Variants in MPDU1 observed in about 807,000 individuals in gnomAD.
The protein encoded by MPDU1 is mannose-P-dolichol utilization defect 1.
MPDU1 carries 18 observed loss-of-function variants against 27.6 expected under a neutral mutation model. The observed-to-expected ratio is 0.65, with a 90% CI of 0.45 to 0.97. The LOEUF (loss-of-function observed/expected upper bound fraction) is 0.97, where lower values mean the gene tolerates loss of function less well. MPDU1 is among the 50% of genes least tolerant of loss of function. The pLI is 0.00. For missense variants in MPDU1, 279 were observed against 297.4 expected, an observed-to-expected ratio of 0.94 and a Z score of 0.46; for synonymous variants, 142 against 131.1, an observed-to-expected ratio of 1.08 and a Z score of -0.57.
chr17:7,587,850 TCC>T lies in MPDU1; in HGVS notation c.*300_*301del. Reference sequence around the variant, plus strand: ...CAAGCCTCCTCCTCTAGCAGCAATTTCCAGCTGTGTAACACTATCCTGGGCAA... The same window carrying T: ...CAAGCCTCCTCCTCTAGCAGCAATTTAGCTGTGTAACACTATCCTGGGCAA... On this transcript the variant is annotated 3_prime_UTR_variant, in exon 7 of 7. Transcript: ENST00000250124. 1.9e-6 allele frequency: 1 copy of T among 539,410 alleles called. No individual in the cohort carries two copies. Among genetic ancestry groups the T allele is most frequent in the South Asian group, 1.5e-5 (1 of 65,308 alleles). 33.4% of individuals were successfully genotyped at this position (539,410 alleles called of 1,614,324 possible). A position where few individuals can be genotyped will look rare whatever the true frequency, so the allele number is the denominator to read the frequency against.
At chr17:7,584,145 C>T in intron 1 of MPDU1, 180 bp downstream of exon 1, 1 of 675,252 alleles carries the variant, frequency 1.5e-6, no homozygotes, top group East Asian at 2.7e-5. Context: ...CATATTAGTG[C>T]CAGTGGGGAA....
rs2150935748 is a variant in MPDU1 at position 7,586,735 on chromosome 17, A to G, written c.346A>G (p.Ile116Val). ...ALFLMLQTIT[I>V]CFLVMHYRGQ... is the part of the protein sequence containing the mutation. Reference sequence around the variant, plus strand: ...ATTCCTGATGCTCCAGACGATCACCATCTGCTTCCTGGTCATGCACTACAG... The same window carrying G: ...ATTCCTGATGCTCCAGACGATCACCGTCTGCTTCCTGGTCATGCACTACAG... Residue 116 changes from isoleucine to valine, a missense_variant, in exon 4 of 7, where the codon ATC becomes GTC. Physicochemically the swap from Ile to Val is conservative, Grantham distance 29 (BLOSUM62 3). Coordinates refer to ENST00000250124, the MANE Select transcript of MPDU1 (RefSeq NM_004870.4). 1.9e-6 allele frequency: 3 copies of G among 1,614,130 alleles called. No homozygotes were observed. The highest frequency in any genetic ancestry group is 1.7e-6 in the Non-Finnish European group (2 of 1,180,032).
Position 7,587,725 on chromosome 17 carries a change from A to C in MPDU1, c.*174A>C, listed in dbSNP as rs1326936124. 1.0e-6 allele frequency: 1 copy of C among 982,930 alleles called. No homozygotes were observed. Among genetic ancestry groups the C allele is most frequent in the Non-Finnish European group, 1.6e-6 (1 of 645,058 alleles). 60.9% of individuals were successfully genotyped at this position (982,930 alleles called of 1,614,324 possible). The stretch of plus-strand genomic sequence containing the variant: ...AAATGGTTGATGGATCCAGATCCTT[A>C]GAAAAGGAGAGGATGGGGGTAGAGT... On this transcript the variant is annotated 3_prime_UTR_variant, in exon 7 of 7. Transcript: ENST00000250124.
In MPDU1 at chr17:7,586,934, C is replaced by CTGG; in HGVS notation, c.427_429dup (p.Val143dup). The CTGG allele has an allele frequency of 6.2e-7, 1 of 1,613,966 alleles. No individual in the cohort carries two copies. Among genetic ancestry groups the CTGG allele is most frequent in the Non-Finnish European group, 8.5e-7 (1 of 1,180,012 alleles). On this transcript the variant is annotated inframe_insertion, in exon 5 of 7. Coordinates refer to ENST00000250124, the MANE Select transcript of MPDU1 (RefSeq NM_004870.4). ...CCTCGCTTGCTACGGCCTGGTCCTG[C>CTGG]TGGTGCTTCTCTCACCTCTGACGCC...
chr17:7,583,901 C>A lies in MPDU1; in HGVS notation c.39C>A (p.Leu13=). The change falls in exon 1 of 7, where the codon CTC becomes CTA. Residue 13 remains leucine, a synonymous_variant. Coordinates refer to ENST00000250124, the MANE Select transcript of MPDU1 (RefSeq NM_004870.4). The part of the protein sequence containing the change: ...AEADGPLKRL[L]VPILLPEKCY... ...CGGACGGACCGCTTAAACGGCTGCTCGTGCCGATTCTTTTACCTGAGAAAT... is the reference window on the plus strand; with the variant it reads ...CGGACGGACCGCTTAAACGGCTGCTAGTGCCGATTCTTTTACCTGAGAAAT... The A allele has an allele frequency of 6.2e-7, 1 of 1,614,178 alleles. No homozygotes were observed. Among genetic ancestry groups the A allele is most frequent in the Non-Finnish European group, 8.5e-7 (1 of 1,180,048 alleles).
In MPDU1 at chr17:7,587,999, T is replaced by A. The variant is rs2071613965; in HGVS notation, c.*448T>A. On this transcript the variant is annotated 3_prime_UTR_variant, in exon 7 of 7. Transcript: ENST00000250124. ...CTCCCTCCCTCAGCCCGGCTGGGAC[T>A]GTCTCCCGGACCCCAGTGCTGGGGT... 4 of 482,838 alleles carry A rather than the reference T, an allele frequency of 8.3e-6. No individual in the cohort carries two copies. Among genetic ancestry groups the A allele is most frequent in the African/African-American group, 3.9e-5 (2 of 51,194 alleles). 29.9% of individuals were successfully genotyped at this position (482,838 alleles called of 1,614,324 possible).
chr17:7,587,060 TG>T (rs766730297), intron 5 of MPDU1, 43 bp downstream of exon 5: 40 of 855,540 alleles, frequency 4.7e-5, no homozygotes, highest in African/African-American at 1.5e-4. Flanking sequence ...GGGGGCAGGG[TG>T]GGGGGGAAGA....
chr17:7,583,769 C>A (rs1476318766), upstream of MPDU1: 2 of 1,346,026 alleles, frequency 1.5e-6, no homozygotes, highest in Admixed American at 3.3e-5. Context: ...AGCTTCGCCG[C>A]GGGAAAAGAA....
At chr17:7,585,639 G>A in intron 1 of MPDU1, 93 bp from the exon 2 acceptor site, 2 of 1,242,622 alleles carry the variant, frequency 1.6e-6, no homozygotes, top group South Asian at 1.2e-5. Context: ...CCCTGGTGTG[G>A]GTAAGGGGGC....
At chr17:7,584,216 A>G in intron 1 of MPDU1, 1 of 600,464 alleles carries the variant, frequency 1.7e-6, no homozygotes, top group Non-Finnish European at 3.0e-6. Context: ...AAAAACGAAG[A>G]GTCAACTTTT....
At chr17:7,584,937 G>A (rs1282200658) in intron 1 of MPDU1, among the ~76,000 whole-genome samples, 2 of 152,212 alleles carry the variant, frequency 1.3e-5, no homozygotes, top group African/African-American at 4.8e-5. Flanking sequence ...AGGTTACAGT[G>A]AGCCAAGATC....
At chr17:7,583,656 A>G (rs775134400), upstream of MPDU1, 3 of 719,908 alleles carry the variant, frequency 4.2e-6, no homozygotes, top group African/African-American at 3.5e-5. Flanking sequence ...CAAGCTTTAC[A>G]ATTCCAACAG....
intron 2 of MPDU1, 32 bp downstream of exon 2, chr17:7,585,829 G>T: frequency 6.2e-7 from 1 of 1,613,550 alleles, no homozygotes; most frequent in Non-Finnish European, 8.5e-7. Context: ...CCAGCTGTTG[G>T]GTTGGGGTGG....
At position 7,585,768 on chromosome 17, in the gene MPDU1, G is replaced by A. The variant is rs2071572550; in HGVS notation, c.140G>A (p.Gly47Glu). 2 of 1,614,110 alleles carry A rather than the reference G, an allele frequency of 1.2e-6. No individual in the cohort carries two copies. Among genetic ancestry groups the A allele is most frequent in the East Asian group, 4.5e-5 (2 of 44,890 alleles). ...CLKILLSKGL[G>E]LGIVAGSLLV... ...AAGATTCTCCTCAGCAAAGGCCTGG[G>A]GCTGGGCATTGTGGCTGGCTCACTT... The change falls in exon 2 of 7, where the codon GGG (glycine) becomes GAG (glutamate). Residue 47 changes from glycine (G) to glutamate (E), a missense_variant. By Grantham distance (98) the Gly-to-Glu change is moderately conservative. Transcript: ENST00000250124.
intron 5 of MPDU1, 68 bp from the exon 6 acceptor site, chr17:7,587,093 G>T (rs765468311): frequency 1.2e-5 from 19 of 1,560,882 alleles, no homozygotes; most frequent in Non-Finnish European, 1.4e-5. Context: ...AAGTGTGGGG[G>T]TGTTGTACTT....
chr17:7,588,142 G>A lies in MPDU1; in HGVS notation c.*591G>A, dbSNP rs1399721436. 1.5e-6 allele frequency: 1 copy of A among 663,046 alleles called. No homozygotes were observed. Among genetic ancestry groups the A allele is most frequent in the Admixed American group, 2.1e-5 (1 of 48,612 alleles). The allele number at this position is 663,046 out of a possible 1,614,324, so 41.1% of individuals were successfully genotyped here. ...ATGGGGCTGGTTCCTGCTGCAGTGA[G>A]GGGAACAGATGGGACAATAAAGACT... is the stretch of plus-strand genomic sequence containing the variant. On this transcript the variant is annotated 3_prime_UTR_variant, in exon 7 of 7. Transcript: ENST00000250124.
chr17:7,585,873 C>G (rs557008226), intron 2 of MPDU1, 73 bp from the exon 3 acceptor site: 1 of 1,611,610 alleles, frequency 6.2e-7, no homozygotes, highest in East Asian at 2.2e-5. Context: ...TGTGGGTGTT[C>G]GTTCTATAGC....
At chr17:7,586,224 T>C in intron 3 of MPDU1, 146 bp downstream of exon 3, 2 of 929,378 alleles carry the variant, frequency 2.2e-6, no homozygotes, top group Non-Finnish European at 3.4e-6. Context: ...GGCGGGTGGA[T>C]CACCTGAGGT....
Position 7,586,689 on chromosome 17 carries a change from C to T in MPDU1, c.303-3C>T. Reference sequence around the variant, plus strand: ...TTCTTCCTCCCAACTCTTGACTCTGCAGCTCTTGGGGTGAAGCCTTATTCC... The same window carrying T: ...TTCTTCCTCCCAACTCTTGACTCTGTAGCTCTTGGGGTGAAGCCTTATTCC... On this transcript the variant is annotated splice_region_variant and splice_polypyrimidine_tract_variant and intron_variant, in intron 3 of 6. Coordinates refer to ENST00000250124, the MANE Select transcript of MPDU1 (RefSeq NM_004870.4). 6.2e-7 allele frequency: 1 copy of T among 1,614,042 alleles called. No individual in the cohort carries two copies. The highest frequency in any genetic ancestry group is 8.5e-7 in the Non-Finnish European group (1 of 1,179,896).
Sources: allele counts gnomAD v4.1 joint callset (sites outside exome capture counted in the v4.1 genomes callset), GRCh38; gene constraint gnomAD v4.1.1; transcripts MANE v1.5; gene names NCBI Gene and HGNC (gene_info 2026-07-23, HGNC 2026-07-21).